Variants in FCN2 observed in about 807,000 individuals in gnomAD.
FCN2 encodes the protein ficolin-2.
A neutral mutation model predicts 32.5 loss-of-function variants in FCN2; 31 were observed. That is an observed-to-expected ratio of 0.96 (90% confidence interval 0.72 to 1.29). FCN2 has a LOEUF of 1.29. FCN2 is among the 50% of genes most tolerant of loss of function. FCN2 has a pLI of 0.00. For missense variants in FCN2, 412 were observed against 406.5 expected, an observed-to-expected ratio of 1.01 and a Z score of -0.12; for synonymous variants, 181 against 164.5, an observed-to-expected ratio of 1.10 and a Z score of -0.77.
At chr9:134,874,438 A>AATTAGT in the FCN2 span, among the ~76,000 whole-genome samples, 2 of 152,232 alleles carry the variant, frequency 1.3e-5, no homozygotes, top group Non-Finnish European at 2.9e-5. Context: ...TTACATATTC[A>AATTAGT]ATTAGTCCAG....
the FCN2 span, among the ~76,000 whole-genome samples, chr9:134,875,310 CT>C: frequency 6.6e-6 from 1 of 152,216 alleles, no homozygotes; most frequent in African/African-American, 2.4e-5. Context: ...GTGATGTGAA[CT>C]GTGGGTTTTT....
chr9:134,873,560 G>A, the FCN2 span, among the ~76,000 whole-genome samples: 5 of 152,212 alleles, frequency 3.3e-5, no homozygotes, highest in Admixed American at 2.0e-4. Context: ...TCATCTCCCC[G>A]TGTCACGACC....
chr9:134,885,778 G>A lies in FCN2; in HGVS notation c.440G>A (p.Arg147Gln), dbSNP rs56235352. The A allele has an allele frequency of 8.4e-4, 1,348 of 1,614,050 alleles. 23 individuals carry two copies. In the South Asian group the frequency reaches 0.014, roughly 16 times the overall value. ...TDGGGWTVFQ[R>Q]RVDGSVDFYR... ...CTGGCTTCTCCACAGGTTTTCCAGC[G>A]GAGGGTGGATGGCTCTGTGGACTTC... The change falls in exon 6 of 8, where the codon CGG becomes CAG. Residue 147 changes from arginine (R) to glutamine (Q), a missense_variant. Transcript: ENST00000291744.
chr9:134,879,435 C>T (rs1441600187), upstream of FCN2, among the ~76,000 whole-genome samples: 3 of 152,142 alleles, frequency 2.0e-5, no homozygotes, highest in South Asian at 2.1e-4. Flanking sequence ...AGGAACCTGC[C>T]TAAGGACTCG....
chr9:134,880,863 CCTG>C lies in FCN2; in HGVS notation c.48_50del (p.Leu17del). 6.2e-7 allele frequency: 1 copy of C among 1,613,794 alleles called. No homozygotes were observed. The highest frequency in any genetic ancestry group is 8.5e-7 in the Non-Finnish European group (1 of 1,179,986). On this transcript the variant is annotated inframe_deletion, in exon 1 of 8. Coordinates refer to ENST00000291744, the MANE Select transcript of FCN2 (RefSeq NM_004108.3). The stretch of plus-strand genomic sequence containing the variant: ...CTGTGGGGGTCCTGGGCGCTGCCAC[CCTG>C]CTGCTCTCTTTCCTGGGCATGGCCT...
At chr9:134,883,559 G>T (rs1830698341) in intron 3 of FCN2, among the ~76,000 whole-genome samples, 1 of 148,406 alleles carries the variant, frequency 6.7e-6, no homozygotes, top group African/African-American at 2.5e-5. Context: ...TCTCAGTCTG[G>T]GGGAGTGGGG....
the FCN2 span, among the ~76,000 whole-genome samples, chr9:134,874,375 A>G: frequency 3.9e-5 from 6 of 152,212 alleles, no homozygotes; most frequent in Admixed American, 2.0e-4. Context: ...GCTATGATCT[A>G]TTTCAAATTC....
At chr9:134,884,850 G>A in intron 4 of FCN2, 78 bp downstream of exon 4, 2 of 1,317,882 alleles carry the variant, frequency 1.5e-6, no homozygotes, top group Non-Finnish European at 2.2e-6. Flanking sequence ...CGACGCCATT[G>A]CCAGAATGAA....
upstream of FCN2, among the ~76,000 whole-genome samples, chr9:134,878,280 G>A (rs1208429742): frequency 6.6e-6 from 1 of 152,166 alleles, no homozygotes; most frequent in Non-Finnish European, 1.5e-5. Flanking sequence ...GTTGGGACCC[G>A]AGGAACTAGG....
chr9:134,871,928 T>A, the FCN2 span, among the ~76,000 whole-genome samples: 1 of 149,698 alleles, frequency 6.7e-6, no homozygotes, highest in Non-Finnish European at 1.5e-5. Flanking sequence ...CTCGTTGCAA[T>A]CCCACCCACC....
the FCN2 span, among the ~76,000 whole-genome samples, chr9:134,867,558 T>C: frequency 6.7e-6 from 1 of 148,194 alleles, no homozygotes; most frequent in Non-Finnish European, 1.5e-5. Flanking sequence ...AGTTAGTGGG[T>C]GCAGCACACC....
upstream of FCN2, among the ~76,000 whole-genome samples, chr9:134,880,625 A>G (rs1053870509): frequency 6.6e-6 from 1 of 152,116 alleles, no homozygotes; most frequent in African/African-American, 2.4e-5. Flanking sequence ...TGCAGGGATG[A>G]CAGTCGCCAT....
rs4520243 is a variant in FCN2 at position 134,883,309 on chromosome 9, T to C, written c.222T>C (p.Arg74=). Residue 74 remains arginine, a synonymous_variant, in exon 3 of 8, where the codon CGT becomes CGC. Transcript: ENST00000291744. ...EAGTNGKRGE[R]GPPGPPGKAG... The stretch of plus-strand genomic sequence containing the variant: ...TGTCTTTGGAAATTGCAGGAGAACG[T>C]GGCCCCCCTGGACCTCCTGGGAAGG... 0.35 allele frequency: 564,038 copies of C among 1,605,134 alleles called. 101,571 individuals carry two copies. Among genetic ancestry groups the C allele is most frequent in the South Asian group, 0.43 (38,964 of 90,880 alleles).
At chr9:134,875,314 G>A in the FCN2 span, among the ~76,000 whole-genome samples, 1 of 152,300 alleles carries the variant, frequency 6.6e-6, no homozygotes, top group South Asian at 2.1e-4. Flanking sequence ...TGTGAACTGT[G>A]GGTTTTTTGT....
chr9:134,887,260 G>C lies in FCN2; in HGVS notation c.787G>C (p.Gly263Arg). 6.2e-7 allele frequency: 1 copy of C among 1,614,214 alleles called. No homozygotes were observed. The highest frequency in any genetic ancestry group is 1.3e-5 in the African/African-American group (1 of 75,044). The change falls in exon 8 of 8, where the codon GGA becomes CGA. Residue 263 changes from glycine to arginine, a missense_variant. Coordinates refer to ENST00000291744, the MANE Select transcript of FCN2 (RefSeq NM_004108.3). ...CGGAAATTGTGCTGTGATGTTTCAG[G>C]GAGCTTGGTGGTACAAAAACTGCCA... ...NTGNCAVMFQGAWWYKNCHVS... is the reference protein window; with the variant it reads ...NTGNCAVMFQRAWWYKNCHVS...
the FCN2 span, among the ~76,000 whole-genome samples, chr9:134,869,012 T>C: frequency 3.1e-3 from 470 of 152,290 alleles, 5 homozygotes; most frequent in African/African-American, 0.011. Context: ...ATAGAGTAGT[T>C]GGGACGGAGA....
chr9:134,869,404 C>T, the FCN2 span, among the ~76,000 whole-genome samples: 23 of 152,332 alleles, frequency 1.5e-4, no homozygotes, highest in African/African-American at 5.5e-4. Context: ...CCTGACAACA[C>T]CTGTTTTCCT....
the FCN2 span, among the ~76,000 whole-genome samples, chr9:134,870,427 C>T: frequency 7.2e-5 from 11 of 152,136 alleles, no homozygotes; most frequent in African/African-American, 2.2e-4. The surrounding 1 kb of genome is among the most constrained non-coding windows in gnomAD (Gnocchi z 4.3). Context: ...CCCAGGGTGA[C>T]GCCTGCCACT....
At chr9:134,886,667 C>T (rs1049908990) in intron 7 of FCN2, 103 bp downstream of exon 7, 3 of 1,319,506 alleles carry the variant, frequency 2.3e-6, no homozygotes, top group East Asian at 2.3e-5. Flanking sequence ...AGAGGCCTCA[C>T]CTCTCTGAGC....
Sources: allele counts gnomAD v4.1 joint callset (sites outside exome capture counted in the v4.1 genomes callset), GRCh38; gene constraint gnomAD v4.1.1; non-coding constraint Gnocchi (gnomAD v3.1); transcripts MANE v1.5; gene names NCBI Gene and HGNC (gene_info 2026-07-23, HGNC 2026-07-21).